Variants in KDM5B observed in about 807,000 individuals in gnomAD.
KDM5B encodes the protein lysine-specific demethylase 5B.
Under a neutral mutation model 193.4 loss-of-function variants are expected in KDM5B, and 144 were observed. The ratio of observed to expected loss-of-function variants is 0.74; its 90% CI spans 0.65 to 0.86. KDM5B has a LOEUF of 0.86. KDM5B is among the 40% of genes least tolerant of loss of function. The pLI is 0.00. For synonymous variants in KDM5B, 668 were observed against 682.6 expected (o/e 0.98, Z 0.33); for missense variants, 1,833 against 1,886.9 (o/e 0.97, Z 0.53).
At chr1:202,795,998 C>G in intron 1 of KDM5B, 1 of 186,102 alleles carries the variant, frequency 5.4e-6, no homozygotes, top group Non-Finnish European at 1.1e-5. Flanking sequence ...ACTGTACAAG[C>G]ACCAATCTAG....
At chr1:202,733,273 G>T in intron 23 of KDM5B, 128 bp downstream of exon 23, 1 of 977,226 alleles carries the variant, frequency 1.0e-6, no homozygotes, top group Non-Finnish European at 1.5e-6. Context: ...GAAGCTACAG[G>T]TAAAGTGGGT....
intron 20 of KDM5B, among the ~76,000 whole-genome samples, 167 bp downstream of exon 20, chr1:202,740,507 C>T (rs1283029167): frequency 1.4e-5 from 2 of 139,794 alleles, no homozygotes; most frequent in East Asian, 2.2e-4. Flanking sequence ...GGCAGAGGGG[C>T]TCCTCACTTC....
intron 16 of KDM5B, among the ~76,000 whole-genome samples, chr1:202,743,654 TAACAG>T (rs1308573844): frequency 6.6e-6 from 1 of 151,968 alleles, no homozygotes; most frequent in Non-Finnish European, 1.5e-5. Context: ...ACACACAGAC[TAACAG>T]AACAGAATAG....
At chr1:202,786,816 G>A (rs934473714) in intron 1 of KDM5B, among the ~76,000 whole-genome samples, 1 of 152,148 alleles carries the variant, frequency 6.6e-6, no homozygotes, top group African/African-American at 2.4e-5. Flanking sequence ...GGAGGTTGAA[G>A]TGGGTGGATC....
At position 202,741,395 on chromosome 1, in the gene KDM5B, C is replaced by G; in HGVS notation, c.2917G>C (p.Asp973His). ...GCCTTGAGGAGACTCTTGGCTTTGTCGTCCCAGTGCTCTGACACTGTGAGC... is the reference window on the plus strand; with the variant it reads ...GCCTTGAGGAGACTCTTGGCTTTGTGGTCCCAGTGCTCTGACACTGTGAGC... ...ELLTVSEHWD[D>H]KAKSLLKARP... The change falls in exon 19 of 27, where the codon GAC becomes CAC. Residue 973 changes from aspartate (D) to histidine (H), a missense_variant. By Grantham distance (81) the Asp-to-His change is moderately conservative. Transcript: ENST00000367265. 1 of 1,557,840 alleles carries G rather than the reference C, an allele frequency of 6.4e-7. No individual in the cohort carries two copies. Among genetic ancestry groups the G allele is most frequent in the Non-Finnish European group, 8.7e-7 (1 of 1,153,846 alleles).
intron 1 of KDM5B, among the ~76,000 whole-genome samples, chr1:202,790,609 A>G (rs1433484321): frequency 6.6e-6 from 1 of 152,072 alleles, no homozygotes. Context: ...GATTCCAGCT[A>G]CTCAGGAGGC....
intron 11 of KDM5B, 97 bp downstream of exon 11, chr1:202,755,174 T>A: frequency 1.1e-6 from 1 of 875,954 alleles, no homozygotes; most frequent in Non-Finnish European, 1.8e-6. Flanking sequence ...AGTAGTTCAA[T>A]GCTCTTCAGA....
chr1:202,768,298 T>C (rs1273991192), intron 4 of KDM5B, among the ~76,000 whole-genome samples: 5 of 152,192 alleles, frequency 3.3e-5, no homozygotes, highest in African/African-American at 1.2e-4. Context: ...TACTTTTTCA[T>C]AACAGGACCC....
At chr1:202,792,196 TCTTA>T (rs1657667076) in intron 1 of KDM5B, among the ~76,000 whole-genome samples, 1 of 152,110 alleles carries the variant, frequency 6.6e-6, no homozygotes, top group Non-Finnish European at 1.5e-5. Flanking sequence ...TTTCTTTCTT[TCTTA>T]TTTTTATTTT....
At position 202,749,698 on chromosome 1, in the gene KDM5B, A is replaced by G. The variant is rs367553201; in HGVS notation, c.1822-559T>C. 1.1e-4 allele frequency among the ~76,000 whole-genome samples: 17 copies of G among 152,240 alleles called. No individual in the cohort carries two copies. The East Asian group carries it at 2.3e-3, about 21-fold the overall frequency. ...AAAAAAAAAAAGACCCAGCATATTAACAATGTATGAGTATCTACAACAATG... is the reference window on the plus strand; with the variant it reads ...AAAAAAAAAAAGACCCAGCATATTAGCAATGTATGAGTATCTACAACAATG... On this transcript the variant is annotated intron_variant, in intron 13 of 26. Transcript: ENST00000367265.
chr1:202,730,959 G>A lies in KDM5B; in HGVS notation c.4126C>T (p.Pro1376Ser). 2 of 1,613,746 alleles carry A rather than the reference G, an allele frequency of 1.2e-6. No homozygotes were observed. The highest frequency in any genetic ancestry group is 1.7e-6 in the Non-Finnish European group (2 of 1,179,758). The change falls in exon 25 of 27, where the codon CCT becomes TCT. Residue 1376 changes from proline to serine, a missense_variant. Coordinates refer to ENST00000367265, the MANE Select transcript of KDM5B (RefSeq NM_006618.5). ...GAGCTTCGGTCAGTCTGCTGAGCAG[G>A]GCTTGGCTTTGCAAGTAAAGTCTGG... Reference protein sequence around the residue: ...LYQTLLAKPSPAQQTDRSSPV... With the variant: ...LYQTLLAKPSSAQQTDRSSPV...
At chr1:202,805,125 A>T (rs1276210337) in intron 1 of KDM5B, among the ~76,000 whole-genome samples, 8 of 152,320 alleles carry the variant, frequency 5.3e-5, no homozygotes, top group African/African-American at 1.9e-4. Flanking sequence ...TCATGGAGGA[A>T]ATTAAAAATT....
rs773262060 is a variant in KDM5B, at chr1:202,758,478, A to G, written c.1110T>C (p.Phe370=). ...GGGTATAGTCCCTGGCTGCTTGTTC[A>G]AAGCCAAATGCTTCTTGTGGCTTAC... is the stretch of plus-strand genomic sequence containing the variant. ...ECSKPQEAFG[F]EQAARDYTLR... is the part of the protein sequence containing the mutation. The change falls in exon 9 of 27, where the codon TTT becomes TTC. Residue 370 remains phenylalanine (F), a synonymous_variant. Transcript: ENST00000367265. 1 of 1,611,334 alleles carries G rather than the reference A, an allele frequency of 6.2e-7. No individual in the cohort carries two copies. Among genetic ancestry groups the G allele is most frequent in the East Asian group, 2.2e-5 (1 of 44,846 alleles).
intron 4 of KDM5B, among the ~76,000 whole-genome samples, chr1:202,771,937 A>AT (rs200847967): frequency 6.6e-6 from 1 of 152,164 alleles, no homozygotes; most frequent in African/African-American, 2.4e-5. Flanking sequence ...CATATAATGT[A>AT]TTAAAAAAAA....
At chr1:202,767,231 A>C in intron 4 of KDM5B, 171 bp from the exon 5 acceptor site, 1 of 1,579,182 alleles carries the variant, frequency 6.3e-7, no homozygotes, top group Non-Finnish European at 8.7e-7. Flanking sequence ...AAACACCCTT[A>C]TGTTTTAAGC....
At chr1:202,771,243 AC>A (rs1656701717) in intron 4 of KDM5B, among the ~76,000 whole-genome samples, 1 of 152,118 alleles carries the variant, frequency 6.6e-6, no homozygotes, top group African/African-American at 2.4e-5. Context: ...ATTTTTTGAG[AC>A]AGTCTCATTC....
intron 8 of KDM5B, among the ~76,000 whole-genome samples, chr1:202,759,162 G>A (rs1249268580): frequency 6.6e-6 from 1 of 152,146 alleles, no homozygotes; most frequent in Non-Finnish European, 1.5e-5. Context: ...TTATAGCCAT[G>A]CTATACTTAA....
At chr1:202,745,385 G>T (rs1035506087) in intron 16 of KDM5B, among the ~76,000 whole-genome samples, 1 of 152,090 alleles carries the variant, frequency 6.6e-6, no homozygotes, top group Admixed American at 6.5e-5. Context: ...GAGATATAAA[G>T]GGTAGCAGTG....
chr1:202,754,255 A>T (rs1655920339), intron 11 of KDM5B, among the ~76,000 whole-genome samples: 2 of 152,214 alleles, frequency 1.3e-5, no homozygotes, highest in African/African-American at 2.4e-5. Flanking sequence ...AGGGAAGCAG[A>T]ATTAATTCTA....
Sources: allele counts gnomAD v4.1 joint callset (sites outside exome capture counted in the v4.1 genomes callset), GRCh38; gene constraint gnomAD v4.1.1; transcripts MANE v1.5; gene names NCBI Gene and HGNC (gene_info 2026-07-23, HGNC 2026-07-21).